KIAA0319L: variants seen among roughly 807,000 people sequenced by gnomAD.
KIAA0319L encodes KIAA0319 like.
In KIAA0319L, 55 loss-of-function variants were observed where a neutral mutation model predicts 120.1. The ratio of observed to expected loss-of-function variants is 0.46; its 90% confidence interval spans 0.37 to 0.57. KIAA0319L has a LOEUF of 0.57. KIAA0319L is among the 20% of genes least tolerant of loss of function. KIAA0319L has a pLI of 0.00. For missense variants in KIAA0319L, 1,049 were observed against 1,255.3 expected, an observed-to-expected ratio of 0.84 and a Z score of 2.48; for synonymous variants, 398 against 471.9, an observed-to-expected ratio of 0.84 and a Z score of 2.03.
chr1:35,470,492 C>CAAAAAAAAAAAA (rs34215571), intron 6 of KIAA0319L, among the ~76,000 whole-genome samples: 3 of 73,434 alleles, frequency 4.1e-5, no homozygotes, highest in African/African-American at 5.4e-5. Flanking sequence ...GACCCTGTCT[C>CAAAAAAAAAAAA]AAAAAAAAAA....
At position 35,468,767 on chromosome 1, in the gene KIAA0319L, C is replaced by T. The variant is rs150054404; in HGVS notation, c.1114-2072G>A. ...TACTCACTTGTCTCCATCCACACTGCCATCACCTTAGTTCTTAACCACTTG... is the reference window on the plus strand; with the variant it reads ...TACTCACTTGTCTCCATCCACACTGTCATCACCTTAGTTCTTAACCACTTG... On this transcript the variant is annotated intron_variant, in intron 6 of 20. Coordinates refer to ENST00000325722, the MANE Select transcript of KIAA0319L (RefSeq NM_024874.5). Among the ~76,000 whole-genome samples the T allele has an allele frequency of 8.4e-3, 1,273 of 152,338 alleles. 21 individuals carry two copies. The highest frequency in any genetic ancestry group is 0.029 in the African/African-American group (1,214 of 41,572).
chr1:35,443,672 CAAAA>C (rs1641395386), intron 17 of KIAA0319L, among the ~76,000 whole-genome samples: 4 of 143,344 alleles, frequency 2.8e-5, no homozygotes, highest in Admixed American at 2.7e-4. Context: ...GACTCTATCT[CAAAA>C]TAAATAAATA....
chr1:35,511,710 T>A (rs1007100380), intron 2 of KIAA0319L, among the ~76,000 whole-genome samples: 2 of 152,234 alleles, frequency 1.3e-5, no homozygotes, highest in Admixed American at 1.3e-4. Context: ...AGAAGCCTTC[T>A]CATTTGTAAG....
chr1:35,484,024 A>G (rs1369028000), intron 3 of KIAA0319L, among the ~76,000 whole-genome samples: 3 of 152,168 alleles, frequency 2.0e-5, no homozygotes, highest in Non-Finnish European at 2.9e-5. Flanking sequence ...GACACCAGTC[A>G]TTATATTAAG....
chr1:35,543,949 G>A (rs1232724195), intron 2 of KIAA0319L, among the ~76,000 whole-genome samples: 2 of 152,186 alleles, frequency 1.3e-5, no homozygotes, highest in Non-Finnish European at 2.9e-5. Context: ...GCTGAGATGT[G>A]TAATCACAAA....
chr1:35,452,367 CAGAG>C (rs1642126610), intron 12 of KIAA0319L, among the ~76,000 whole-genome samples: 1 of 152,210 alleles, frequency 6.6e-6, no homozygotes, highest in African/African-American at 2.4e-5. Flanking sequence ...CTTGTGGCCT[CAGAG>C]ACTTGCCTGC....
At chr1:35,485,362 TCAGA>T in intron 3 of KIAA0319L, among the ~76,000 whole-genome samples, 1 of 152,300 alleles carries the variant, frequency 6.6e-6, no homozygotes, top group Admixed American at 6.5e-5. Context: ...CATTTAGTAG[TCAGA>T]CAATGATCTG....
At chr1:35,486,375 A>AG (rs1644385597) in intron 3 of KIAA0319L, among the ~76,000 whole-genome samples, 1 of 132,298 alleles carries the variant, frequency 7.6e-6, no homozygotes, top group Non-Finnish European at 1.5e-5. Flanking sequence ...CCCTGTCTCA[A>AG]GAAAAAAAAA....
At chr1:35,536,874 TAA>T (rs67994036) in intron 2 of KIAA0319L, among the ~76,000 whole-genome samples, 6 of 139,998 alleles carry the variant, frequency 4.3e-5, no homozygotes, top group African/African-American at 5.2e-5. Flanking sequence ...GCTATGCACT[TAA>T]AAAAAAAAAA....
At position 35,453,833 on chromosome 1, in the gene KIAA0319L, T is replaced by C. The variant is rs115750344; in HGVS notation, c.1781-144A>G. ...GATACTGTGGGAGATGTGGTTACCG[T>C]CAGGGAGCACACAATAAAGAATATA... On this transcript the variant is annotated intron_variant, in intron 11 of 20. Coordinates refer to ENST00000325722, the MANE Select transcript of KIAA0319L (RefSeq NM_024874.5). This position sits in a 1 kb window ranked among gnomAD's most constrained non-coding sequence, Gnocchi z 4.1. The C allele has an allele frequency of 1.1e-3, 793 of 720,846 alleles. 3 individuals are homozygous for C. The African/African-American group carries it at 0.013, about 11-fold the overall frequency. 44.7% of individuals were successfully genotyped at this position (720,846 alleles called of 1,614,324 possible).
chr1:35,487,206 CTTTGCTCCTTACAG>C (rs1349426192), intron 3 of KIAA0319L, among the ~76,000 whole-genome samples: 1 of 151,976 alleles, frequency 6.6e-6, no homozygotes, highest in Non-Finnish European at 1.5e-5. Flanking sequence ...GAACTGTAGA[CTTTGCTCCTTACAG>C]TGTTCAACAA....
At chr1:35,466,747 A>T (rs1643291200) in intron 6 of KIAA0319L, 52 bp from the exon 7 acceptor site, 3 of 1,230,196 alleles carry the variant, frequency 2.4e-6, no homozygotes, top group Non-Finnish European at 3.6e-6. Flanking sequence ...CAGGAATTAC[A>T]TTTAAAATAA....
chr1:35,547,152 CAT>C (rs1025821751), intron 2 of KIAA0319L, among the ~76,000 whole-genome samples: 2 of 144,494 alleles, frequency 1.4e-5, no homozygotes, highest in Non-Finnish European at 3.0e-5. Context: ...GTAATATATA[CAT>C]ATATAATTAC....
In KIAA0319L at chr1:35,479,097, G is replaced by A. The variant is rs745653778; in HGVS notation, c.782C>T (p.Thr261Met). Reference sequence around the variant, plus strand: ...ACTTTTTACTTGTTGAGTGCTGGGCGTAGTAGCAAGACCCTCTGATATTTC... The same window carrying A: ...ACTTTTTACTTGTTGAGTGCTGGGCATAGTAGCAAGACCCTCTGATATTTC... ...QPEISEGLAT[T>M]PSTQQVKSSE... is the part of the protein sequence containing the mutation. Residue 261 changes from threonine (T) to methionine (M), a missense_variant, in exon 4 of 21, where the codon ACG becomes ATG. Physicochemically the swap from Thr to Met is moderately conservative, Grantham distance 81 (BLOSUM62 -1). Transcript: ENST00000325722. 42 of 1,614,006 alleles carry A rather than the reference G, an allele frequency of 2.6e-5. No homozygotes were observed. The highest frequency in any genetic ancestry group is 2.0e-4 in the East Asian group (9 of 44,902).
At chr1:35,547,320 TTATA>T (rs370997235) in intron 2 of KIAA0319L, among the ~76,000 whole-genome samples, 1 of 148,462 alleles carries the variant, frequency 6.7e-6, no homozygotes, top group African/African-American at 2.5e-5. Context: ...CATATATACA[TTATA>T]TATATATATA....
intron 9 of KIAA0319L, 84 bp downstream of exon 9, chr1:35,460,221 T>C: frequency 8.9e-7 from 1 of 1,122,054 alleles, no homozygotes; most frequent in East Asian, 2.4e-5. Context: ...TTGATATTTG[T>C]CAAAGTTACT....
In KIAA0319L at chr1:35,458,213, G is replaced by A. The variant is rs545050092; in HGVS notation, c.1428-1972C>T. On this transcript the variant is annotated intron_variant, in intron 9 of 20. Transcript: ENST00000325722. ...AGCCTCCCAAAGTGATGGGATTACAGGCATGAGCCACTGCGCCCAGCCTGT... is the reference window on the plus strand; with the variant it reads ...AGCCTCCCAAAGTGATGGGATTACAAGCATGAGCCACTGCGCCCAGCCTGT... Among the ~76,000 whole-genome samples the A allele has an allele frequency of 1.2e-4, 18 of 152,348 alleles. 2 individuals carry two copies. The highest frequency in any genetic ancestry group is 3.8e-4 in the African/African-American group (16 of 41,582).
intron 8 of KIAA0319L, 142 bp downstream of exon 8, chr1:35,462,479 G>C (rs1019105319): frequency 3.3e-6 from 2 of 610,396 alleles, no homozygotes; most frequent in Non-Finnish European, 5.8e-6. Flanking sequence ...TGCTTCAGAT[G>C]GTTGGCCTTC....
chr1:35,534,768 A>G (rs1273781490), intron 2 of KIAA0319L, among the ~76,000 whole-genome samples: 1 of 145,448 alleles, frequency 6.9e-6, no homozygotes. Context: ...CTGAGGCAGG[A>G]GAATGGTGTG....
Sources: gnomAD v4.1 joint callset for allele counts (sites outside exome capture counted in the v4.1 genomes callset) on GRCh38, gnomAD v4.1.1 for gene constraint, Gnocchi (gnomAD v3.1) non-coding constraint, MANE v1.5 for transcripts, NCBI Gene and HGNC (gene_info 2026-07-23, HGNC 2026-07-21) for gene names.